The following QTGAL variants were observed in gnomAD, a reference collection of about 807,000 sequenced individuals.
The protein encoded by QTGAL is BGnT-like protein 1.
chr17:83,035,028 T>C, the QTGAL span: 1 of 1,593,310 alleles, frequency 6.3e-7, no homozygotes. Flanking sequence ...AAAAGAAAGT[T>C]ACTTACCGAA....
the QTGAL span, among the ~76,000 whole-genome samples, chr17:82,946,680 CAGAT>C: frequency 4.0e-5 from 6 of 151,108 alleles, no homozygotes; most frequent in Non-Finnish European, 5.9e-5. Flanking sequence ...TTAATCAAAA[CAGAT>C]AGAGTTCACC....
At chr17:83,042,686 GTCCT>G in the QTGAL span, among the ~76,000 whole-genome samples, 22,824 of 152,110 alleles carry the variant, frequency 0.15, 1,777 homozygotes, top group African/African-American at 0.21. Flanking sequence ...AGTGGCAAAA[GTCCT>G]TCCTTGTCAG....
chr17:82,960,375 G>C, the QTGAL span: 1 of 152,394 alleles, frequency 6.6e-6, no homozygotes, highest in South Asian at 2.1e-4. Context: ...GGGCCGAGAC[G>C]CAAGCCTCGG....
the QTGAL span, among the ~76,000 whole-genome samples, chr17:83,040,579 C>T: frequency 6.6e-6 from 1 of 152,104 alleles, no homozygotes; most frequent in African/African-American, 2.4e-5. Flanking sequence ...GAAACAATAC[C>T]TTTAAAATAA....
At chr17:82,956,046 C>T in the QTGAL span, among the ~76,000 whole-genome samples, 1 of 151,944 alleles carries the variant, frequency 6.6e-6, no homozygotes, top group Non-Finnish European at 1.5e-5. The surrounding 1 kb of genome is among the most constrained non-coding windows in gnomAD (Gnocchi z 5.7). Flanking sequence ...ACACCTAATG[C>T]ATGCGGGGCT....
the QTGAL span, chr17:83,006,959 G>A: frequency 6.3e-6 from 3 of 479,796 alleles, no homozygotes; most frequent in Non-Finnish European, 8.1e-6. This position sits in a 1 kb window ranked among gnomAD's most constrained non-coding sequence, Gnocchi z 5.8. Context: ...GATGCATGAG[G>A]ATCCAGCTTC....
the QTGAL span, among the ~76,000 whole-genome samples, chr17:82,964,399 A>G: frequency 6.6e-6 from 1 of 152,204 alleles, no homozygotes; most frequent in African/African-American, 2.4e-5. Context: ...GAAAGAAGTG[A>G]AAAGGGTTAG....
the QTGAL span, among the ~76,000 whole-genome samples, chr17:83,040,734 C>A: frequency 1.3e-5 from 2 of 152,098 alleles, no homozygotes; most frequent in Non-Finnish European, 2.9e-5. Context: ...TAAAAATATT[C>A]TTGAGCAAGA....
chr17:83,035,476 G>A, the QTGAL span, among the ~76,000 whole-genome samples: 2 of 152,074 alleles, frequency 1.3e-5, no homozygotes, highest in South Asian at 2.1e-4. Context: ...CCCAATATAC[G>A]ATGTTCTATA....
At chr17:82,988,410 G>C in the QTGAL span, among the ~76,000 whole-genome samples, 1 of 152,124 alleles carries the variant, frequency 6.6e-6, no homozygotes, top group Non-Finnish European at 1.5e-5. Context: ...AACCCTACAA[G>C]AAACTCTAGG....
chr17:83,010,617 TCAGA>T, the QTGAL span, among the ~76,000 whole-genome samples: 6 of 152,228 alleles, frequency 3.9e-5, no homozygotes, highest in African/African-American at 1.4e-4. Context: ...TGGGACTTCC[TCAGA>T]CAAAGGCTGC....
the QTGAL span, among the ~76,000 whole-genome samples, chr17:82,952,150 GGACTT>G: frequency 6.6e-6 from 1 of 152,246 alleles, no homozygotes; most frequent in Non-Finnish European, 1.5e-5. Context: ...TGTTCTGCCT[GGACTT>G]GACTTGGATT....
the QTGAL span, among the ~76,000 whole-genome samples, chr17:83,008,863 G>A: frequency 1.1e-4 from 17 of 152,206 alleles, no homozygotes; most frequent in African/African-American, 2.2e-4. Flanking sequence ...GATCCCTGCC[G>A]CCGAACGAGT....
chr17:82,968,443 G>T, the QTGAL span, among the ~76,000 whole-genome samples: 31,745 of 67,748 alleles, frequency 0.47, 7,056 homozygotes, highest in Non-Finnish European at 0.54. Flanking sequence ...TCAGCAACAG[G>T]GAAGGGAGGC....
chr17:82,961,940 T>A, the QTGAL span, among the ~76,000 whole-genome samples: 1 of 151,562 alleles, frequency 6.6e-6, no homozygotes, highest in Non-Finnish European at 1.5e-5. Context: ...GGGCCTTGTG[T>A]GGAGCCGGGC....
At chr17:82,985,993 A>G in the QTGAL span, among the ~76,000 whole-genome samples, 1 of 152,076 alleles carries the variant, frequency 6.6e-6, no homozygotes, top group Non-Finnish European at 1.5e-5. Flanking sequence ...TTCTCTGTGC[A>G]CTCCAAGTGC....
the QTGAL span, among the ~76,000 whole-genome samples, chr17:82,989,739 A>G: frequency 6.6e-6 from 1 of 152,266 alleles, no homozygotes; most frequent in Non-Finnish European, 1.5e-5. Flanking sequence ...GCTCTGTAAA[A>G]GAAATGATGC....
chr17:82,967,517 T>A, the QTGAL span, among the ~76,000 whole-genome samples: 1 of 152,132 alleles, frequency 6.6e-6, no homozygotes, highest in Non-Finnish European at 1.5e-5. Flanking sequence ...GAACATTTGT[T>A]TGGAGACATT....
the QTGAL span, among the ~76,000 whole-genome samples, chr17:82,996,874 T>C: frequency 6.6e-6 from 1 of 152,166 alleles, no homozygotes. Context: ...CCCCTATCTT[T>C]CACCATATGC....
Sources: allele counts gnomAD v4.1 joint callset (sites outside exome capture counted in the v4.1 genomes callset), GRCh38; gene constraint gnomAD v4.1.1; non-coding constraint Gnocchi (gnomAD v3.1); transcripts MANE v1.5; gene names NCBI Gene and HGNC (gene_info 2026-07-23, HGNC 2026-07-21).